The following PRMT8 variants were observed in gnomAD, a reference collection of about 807,000 sequenced individuals.
The protein encoded by PRMT8 is protein arginine N-methyltransferase 8.
A neutral mutation model predicts 47.1 loss-of-function variants in PRMT8; 7 were observed. The ratio of observed to expected loss-of-function variants is 0.15; its 90% CI spans 0.08 to 0.28. The LOEUF (loss-of-function observed/expected upper bound fraction) is 0.28. Among genes scored for constraint, PRMT8 ranks in the 10% least tolerant of loss-of-function variants. The pLI is 1.00. For synonymous variants in PRMT8, 188 were observed against 186.5 expected, an observed-to-expected ratio of 1.01 and a Z score of -0.07; for missense variants, 237 against 505.4, an observed-to-expected ratio of 0.47 and a Z score of 5.09.
intron 1 of PRMT8, among the ~76,000 whole-genome samples, chr12:3,519,516 T>G (rs1357133180): frequency 5.9e-5 from 9 of 152,060 alleles, no homozygotes; most frequent in Non-Finnish European, 1.3e-4. Context: ...GAGTTTAGGA[T>G]CAGGCTGTTT....
At chr12:3,423,990 T>G (rs1324758987) in intron 1 of PRMT8, among the ~76,000 whole-genome samples, 1 of 152,192 alleles carries the variant, frequency 6.6e-6, no homozygotes, top group Non-Finnish European at 1.5e-5. Flanking sequence ...AGGCTTCCCA[T>G]GGCCATTGAT....
At chr12:3,513,187 T>C (rs972123706) in intron 1 of PRMT8, among the ~76,000 whole-genome samples, 2 of 152,040 alleles carry the variant, frequency 1.3e-5, no homozygotes, top group African/African-American at 4.8e-5. Context: ...TGTAAGGAGG[T>C]ATCTTGCTAG....
At position 3,569,405 on chromosome 12, in the gene PRMT8, T is replaced by C. The variant is rs1472516969; in HGVS notation, c.625-72T>C. ...GGGGTGCTTGTCTGGTGACTCTATG[T>C]GCAGTTCAAAATGTGATGTCTTTGT... On this transcript the variant is annotated intron_variant, in intron 5 of 9. Transcript: ENST00000382622. The surrounding 1 kb of genome is among the most constrained non-coding windows in gnomAD (Gnocchi z 8.2). 34 of 1,255,724 alleles carry C rather than the reference T, an allele frequency of 2.7e-5. No individual in the cohort carries two copies. The highest frequency in any genetic ancestry group is 3.9e-5 in the Non-Finnish European group (33 of 853,300). The allele number at this position is 1,255,724 out of a possible 1,614,324, so 77.8% of individuals were successfully genotyped here.
chr12:3,483,451 T>G (rs1591564139), intron 1 of PRMT8, among the ~76,000 whole-genome samples: 1 of 42,310 alleles, frequency 2.4e-5, no homozygotes, highest in South Asian at 9.6e-4. Context: ...ACCATGATAG[T>G]TTTTTTTTTC....
chr12:3,559,874 A>T (rs1006501604), intron 4 of PRMT8, among the ~76,000 whole-genome samples: 1 of 152,082 alleles, frequency 6.6e-6, no homozygotes, highest in African/African-American at 2.4e-5. Context: ...GCCCCACCTC[A>T]TGGCTTTAGC....
At chr12:3,426,940 G>A (rs200145039) in intron 1 of PRMT8, among the ~76,000 whole-genome samples, 2 of 152,028 alleles carry the variant, frequency 1.3e-5, no homozygotes, top group African/African-American at 4.8e-5. Context: ...GAACGTGATC[G>A]TCAGGCTGGT....
rs549861528 is a variant in PRMT8 at position 3,551,939 on chromosome 12, G to C, written c.418-1712G>C. On this transcript the variant is annotated intron_variant, in intron 3 of 9. Transcript: ENST00000382622. ...GAAAAGCTAGAGAAATGGGAGAGGG[G>C]CCTGGAAAAGCAGAAAGAAGACAAA... 54 of 152,874 alleles carry C rather than the reference G, an allele frequency of 3.5e-4. 1 individual carries two copies. The highest frequency in any genetic ancestry group is 1.0e-3 in the African/African-American group (43 of 41,574). 9.5% of individuals were successfully genotyped at this position (152,874 alleles called of 1,614,324 possible).
intron 4 of PRMT8, among the ~76,000 whole-genome samples, chr12:3,558,132 T>TGGCTAACTTCCCCTGAGGC (rs1178020229): frequency 6.6e-6 from 1 of 151,254 alleles, no homozygotes; most frequent in Non-Finnish European, 1.5e-5. Context: ...GCAGGGGAGG[T>TGGCTAACTTCCCCTGAGGC]GGCTAACTTC....
intron 6 of PRMT8, among the ~76,000 whole-genome samples, chr12:3,574,808 A>G (rs977036456): frequency 3.9e-5 from 6 of 152,224 alleles, no homozygotes; most frequent in Non-Finnish European, 7.3e-5. Context: ...TTTAACCATT[A>G]CATGCATTGA....
intron 1 of PRMT8, among the ~76,000 whole-genome samples, chr12:3,479,125 C>T (rs532322213): frequency 7.2e-5 from 11 of 152,310 alleles, no homozygotes; most frequent in African/African-American, 2.6e-4. Context: ...TTTGGAGGCT[C>T]TTTAAAAATT....
At chr12:3,536,265 T>C (rs59490218) in intron 1 of PRMT8, among the ~76,000 whole-genome samples, 7,710 of 152,176 alleles carry the variant, frequency 0.051, 359 homozygotes, top group African/African-American at 0.12. Context: ...AGGGAGAGGG[T>C]ATGCCTGTCA....
At position 3,514,724 on chromosome 12, in the gene PRMT8, G is replaced by C. The variant is rs1448201789; in HGVS notation, c.75+23024G>C. Among the ~76,000 whole-genome samples, 1 of 152,104 alleles carries C rather than the reference G, an allele frequency of 6.6e-6. No homozygotes were observed. Among genetic ancestry groups the C allele is most frequent in the Non-Finnish European group, 1.5e-5 (1 of 68,000 alleles). ...GCAACAGGAGCACCAGTGGGAGGGT[G>C]GGGGAGGGAGGGGCATTGATTCCCT... On this transcript the variant is annotated intron_variant, in intron 1 of 9. Transcript: ENST00000382622. The surrounding 1 kb of genome is among the most constrained non-coding windows in gnomAD (Gnocchi z 5.9).
At chr12:3,433,383 A>T (rs539152840) in intron 1 of PRMT8, among the ~76,000 whole-genome samples, 19 of 152,320 alleles carry the variant, frequency 1.2e-4, no homozygotes, top group Middle Eastern at 3.4e-3. Context: ...TTGAGCACTT[A>T]TGTGCAAAGG....
In PRMT8 at chr12:3,569,519, G is replaced by A. The variant is rs200858548; in HGVS notation, c.667G>A (p.Val223Met). 182 of 1,614,050 alleles carry A rather than the reference G, an allele frequency of 1.1e-4. No individual in the cohort carries two copies. Among genetic ancestry groups the A allele is most frequent in the Admixed American group, 3.7e-4 (22 of 60,012 alleles). The change falls in exon 6 of 10, where the codon GTG (valine) becomes ATG (methionine). Residue 223 changes from valine to methionine, a missense_variant. Physicochemically the swap from Val to Met is conservative, Grantham distance 21 (BLOSUM62 1). Coordinates refer to ENST00000382622, the MANE Select transcript of PRMT8 (RefSeq NM_019854.5). This position sits in a 1 kb window ranked among gnomAD's most constrained non-coding sequence, Gnocchi z 8.2. The stretch of plus-strand genomic sequence containing the variant: ...GTTTCCAGACCGGGCAGCTTTGTAC[G>A]TGGTAGCGATTGAAGACAGACAGTA... ...LMFPDRAALY[V>M]VAIEDRQYKD...
intron 4 of PRMT8, 117 bp from the exon 5 acceptor site, chr12:3,568,589 T>A (rs1866777504): frequency 1.7e-6 from 2 of 1,151,962 alleles, no homozygotes; most frequent in South Asian, 1.5e-5. Flanking sequence ...CTACATCATA[T>A]CCTAAAAGTA....
chr12:3,431,214 G>A (rs780451570), intron 1 of PRMT8, among the ~76,000 whole-genome samples: 5 of 152,142 alleles, frequency 3.3e-5, no homozygotes, highest in South Asian at 2.1e-4. Context: ...CTGGGAGGAG[G>A]CAAGACTGAG....
chr12:3,568,657 C>T (rs1447750993), intron 4 of PRMT8, 49 bp from the exon 5 acceptor site: 1 of 1,610,360 alleles, frequency 6.2e-7, no homozygotes, highest in East Asian at 2.2e-5. Flanking sequence ...GCTTGTGGTT[C>T]CTGGGTGGGG....
upstream of PRMT8, among the ~76,000 whole-genome samples, chr12:3,490,704 AG>A: frequency 6.7e-6 from 1 of 149,704 alleles, no homozygotes; most frequent in Non-Finnish European, 1.5e-5. Context: ...AGAGAGAGAG[AG>A]AGAGAGAGAG....
In PRMT8 at chr12:3,564,920, C is replaced by G. The variant is rs1866693600; in HGVS notation, c.482-3786C>G. 2.0e-5 allele frequency among the ~76,000 whole-genome samples: 3 copies of G among 152,224 alleles called. No homozygotes were observed. The highest frequency in any genetic ancestry group is 2.0e-4 in the Admixed American group (3 of 15,292). ...TAAGTTGGCATATGCCCCACCATGA[C>G]AGGTAGCATTTTGTAGATTGGAAAA... is the stretch of plus-strand genomic sequence containing the variant. On this transcript the variant is annotated intron_variant, in intron 4 of 9. Transcript: ENST00000382622. This position sits in a 1 kb window ranked among gnomAD's most constrained non-coding sequence, Gnocchi z 4.0.
Sources: allele counts gnomAD v4.1 joint callset (sites outside exome capture counted in the v4.1 genomes callset), GRCh38; gene constraint gnomAD v4.1.1; non-coding constraint Gnocchi (gnomAD v3.1); transcripts MANE v1.5; gene names NCBI Gene and HGNC (gene_info 2026-07-23, HGNC 2026-07-21).